EXT2: variants seen among roughly 807,000 people sequenced by gnomAD.
EXT2 encodes exostosin glycosyltransferase 2.
EXT2 carries 53 observed loss-of-function variants against 81.6 expected under a neutral mutation model. The ratio of observed to expected loss-of-function variants is 0.65; its 90% CI spans 0.52 to 0.82. The LOEUF is 0.82. Among genes scored for constraint, EXT2 ranks in the 40% least tolerant of loss-of-function variants. The pLI is 0.00. For synonymous variants in EXT2, 320 were observed against 340.0 expected, an observed-to-expected ratio of 0.94 and a Z score of 0.65; for missense variants, 774 against 910.2, an observed-to-expected ratio of 0.85 and a Z score of 1.93.
At chr11:44,230,152 C>T (rs1955882262) in intron 10 of EXT2, among the ~76,000 whole-genome samples, 2 of 152,038 alleles carry the variant, frequency 1.3e-5, no homozygotes, top group Non-Finnish European at 2.9e-5. Flanking sequence ...AGGGACCTGA[C>T]AGATGAGAAG....
chr11:44,244,536 G>A lies in EXT2; in HGVS notation c.*249G>A, dbSNP rs1956075618. On this transcript the variant is annotated 3_prime_UTR_variant, in exon 14 of 14. Coordinates refer to ENST00000533608, the MANE Select transcript of EXT2 (RefSeq NM_207122.2). ...GATGGGTTCTTCTCGAAAATGCCAA[G>A]TGGAAGACTTTGTGGCATGCTCCAG... 1 of 507,550 alleles carries A rather than the reference G, an allele frequency of 2.0e-6. No homozygotes were observed. The highest frequency in any genetic ancestry group is 3.6e-6 in the Non-Finnish European group (1 of 278,204). 31.4% of individuals were successfully genotyped at this position (507,550 alleles called of 1,614,324 possible). A position where few individuals can be genotyped will look rare whatever the true frequency, so the allele number is the denominator to read the frequency against.
rs117185447 is a variant in EXT2, at chr11:44,111,083, G to A, written c.626+1800G>A. Among the ~76,000 whole-genome samples, 61 of 152,284 alleles carry A rather than the reference G, an allele frequency of 4.0e-4. No individual in the cohort carries two copies. The East Asian group carries it at 9.8e-3, about 25-fold the overall frequency. ...ATTGTTTGGAAATTAGAAAACAGAT[G>A]GGCTAGATTAGACTGCTTTAAGATC... On this transcript the variant is annotated intron_variant, in intron 3 of 13. Coordinates refer to ENST00000533608, the MANE Select transcript of EXT2 (RefSeq NM_207122.2).
At chr11:44,165,036 G>A (rs986998829) in intron 7 of EXT2, among the ~76,000 whole-genome samples, 1 of 151,658 alleles carries the variant, frequency 6.6e-6, no homozygotes, top group Non-Finnish European at 1.5e-5. Flanking sequence ...CCGCCACCAC[G>A]CCCGGCTAAT....
intron 1 of EXT2, among the ~76,000 whole-genome samples, chr11:44,102,420 C>T (rs866909703): frequency 1.2e-4 from 19 of 152,036 alleles, no homozygotes; most frequent in African/African-American, 4.6e-4. Context: ...TAAGAACACA[C>T]TTTTTATTGG....
At position 44,139,693 on chromosome 11, in the gene EXT2, G is replaced by A. The variant is rs956059367; in HGVS notation, c.1173+9555G>A. Among the ~76,000 whole-genome samples the A allele has an allele frequency of 1.3e-4, 20 of 152,258 alleles. 3 individuals are homozygous for A. Among genetic ancestry groups the A allele is most frequent in the Admixed American group, 1.2e-3 (19 of 15,302 alleles). Reference sequence around the variant, plus strand: ...ATCTCCCACATGATTTGGGCCAGGGGCTAAAGCACTCCCATAAATCTGCAG... The same window carrying A: ...ATCTCCCACATGATTTGGGCCAGGGACTAAAGCACTCCCATAAATCTGCAG... On this transcript the variant is annotated intron_variant, in intron 7 of 13. Coordinates refer to ENST00000533608, the MANE Select transcript of EXT2 (RefSeq NM_207122.2).
In EXT2 at chr11:44,247,690, T is replaced by C. The variant is rs1956107514; in HGVS notation, c.*3403T>C. ...TTTCTCTGCTGCCTTTGGAAAATAG[T>C]GACCATCATGCTGGTCTGTGCTGAC... On this transcript the variant is annotated 3_prime_UTR_variant, in exon 14 of 14. Transcript: ENST00000533608. Among the ~76,000 whole-genome samples the C allele has an allele frequency of 6.6e-6, 1 of 152,200 alleles. No individual in the cohort carries two copies. The highest frequency in any genetic ancestry group is 2.4e-5 in the African/African-American group (1 of 41,448).
chr11:44,115,648 A>T (rs1266632341), intron 4 of EXT2, among the ~76,000 whole-genome samples: 1 of 152,244 alleles, frequency 6.6e-6, no homozygotes, highest in Non-Finnish European at 1.5e-5. Flanking sequence ...AATGGGTCTC[A>T]TGGAAATAGT....
At chr11:44,154,970 A>G (rs1237505417) in intron 7 of EXT2, among the ~76,000 whole-genome samples, 2 of 151,740 alleles carry the variant, frequency 1.3e-5, no homozygotes, top group African/African-American at 2.4e-5. Flanking sequence ...TTTTTTTGCT[A>G]TTAAGTTGTT....
chr11:44,166,163 A>G (rs1201641117), intron 7 of EXT2, among the ~76,000 whole-genome samples: 1 of 152,258 alleles, frequency 6.6e-6, no homozygotes, highest in Non-Finnish European at 1.5e-5. Flanking sequence ...GAAACAACAG[A>G]AAAACAATTA....
chr11:44,160,266 C>T (rs1325247999), intron 7 of EXT2, among the ~76,000 whole-genome samples: 1 of 152,212 alleles, frequency 6.6e-6, no homozygotes, highest in African/African-American at 2.4e-5. Flanking sequence ...GGCACTGGTT[C>T]CTGGAGAGGT....
At chr11:44,139,221 G>T (rs1174393673) in intron 7 of EXT2, among the ~76,000 whole-genome samples, 1 of 147,430 alleles carries the variant, frequency 6.8e-6, no homozygotes, top group Non-Finnish European at 1.5e-5. Flanking sequence ...TAATTCATTG[G>T]CACATTTGGA....
rs781763740 is a variant in EXT2, at chr11:44,206,819, C to T, written c.1522C>T (p.Pro508Ser). The change falls in exon 10 of 14, where the codon CCA becomes TCA. Residue 508 changes from proline to serine, a missense_variant. Around this residue, in one of 2 missense-constraint regions of EXT2, gnomAD observed 626 missense variants for 670.5 expected, o/e 0.93. Coordinates refer to ENST00000533608, the MANE Select transcript of EXT2 (RefSeq NM_207122.2). ...EDSLWPKIRVPLKVVRTAENK... is the reference protein window; with the variant it reads ...EDSLWPKIRVSLKVVRTAENK... ...TTCTCTCTGGCCCAAAATCCGGGTT[C>T]CATTAAAAGTTGTGAGGACTGCTGA... The T allele has an allele frequency of 6.2e-6, 10 of 1,613,890 alleles. No homozygotes were observed. The highest frequency in any genetic ancestry group is 1.3e-5 in the African/African-American group (1 of 74,876).
chr11:44,137,041 A>C (rs1201604606), intron 7 of EXT2, among the ~76,000 whole-genome samples: 1 of 151,910 alleles, frequency 6.6e-6, no homozygotes, highest in African/African-American at 2.4e-5. Context: ...GTATATCCCT[A>C]TTGTGAAGGA....
chr11:44,234,893 T>C (rs1955943021), intron 12 of EXT2, among the ~76,000 whole-genome samples: 1 of 152,236 alleles, frequency 6.6e-6, no homozygotes, highest in African/African-American at 2.4e-5. Context: ...TCTTTTTTGC[T>C]TCTAGATTAG....
intron 8 of EXT2, among the ~76,000 whole-genome samples, chr11:44,193,756 G>A (rs1005144490): frequency 6.6e-6 from 1 of 152,184 alleles, no homozygotes; most frequent in African/African-American, 2.4e-5. Flanking sequence ...GCAAGATCCA[G>A]TTCTCCTTAT....
intron 1 of EXT2, among the ~76,000 whole-genome samples, chr11:44,099,608 C>T (rs1162834100): frequency 6.6e-6 from 1 of 152,162 alleles, no homozygotes; most frequent in Non-Finnish European, 1.5e-5. Flanking sequence ...AGGTGTGAGC[C>T]ACTGCGTCTG....
chr11:44,222,421 T>C lies in EXT2; in HGVS notation c.1663-9932T>C, dbSNP rs533418360. ...ATAGTAGCTGCTCAATAAATATTTA[T>C]TGAATTGAATGTGTTTGGACATTGA... On this transcript the variant is annotated intron_variant, in intron 10 of 13. Transcript: ENST00000533608. 3.9e-5 allele frequency among the ~76,000 whole-genome samples: 6 copies of C among 152,344 alleles called. No individual in the cohort carries two copies. In the South Asian group the frequency reaches 1.0e-3, roughly 26 times the overall value.
intron 8 of EXT2, among the ~76,000 whole-genome samples, chr11:44,197,287 T>C (rs1199795789): frequency 6.6e-6 from 1 of 152,080 alleles, no homozygotes; most frequent in Non-Finnish European, 1.5e-5. Flanking sequence ...CCTTACCGCT[T>C]CTCTTACCTC....
chr11:44,173,349 G>A (rs1955104417), intron 8 of EXT2, among the ~76,000 whole-genome samples: 1 of 152,054 alleles, frequency 6.6e-6, no homozygotes, highest in Admixed American at 6.6e-5. Context: ...TAATTTTGTA[G>A]TTTTAAAACA....
Sources: allele counts gnomAD v4.1 joint callset (sites outside exome capture counted in the v4.1 genomes callset), GRCh38; gene constraint gnomAD v4.1.1; regional missense constraint gnomAD v4.1.1; transcripts MANE v1.5; gene names NCBI Gene and HGNC (gene_info 2026-07-23, HGNC 2026-07-21).